The following NCKAP1 variants were observed in gnomAD, a reference collection of about 807,000 sequenced individuals.
The protein encoded by NCKAP1 is NCK associated protein 1, also known as nck-associated protein 1.
A neutral mutation model predicts 151.2 loss-of-function variants in NCKAP1; 21 were observed. The observed-to-expected ratio is 0.14, with a 90% CI of 0.10 to 0.20. The LOEUF is 0.20. Ranked by LOEUF, NCKAP1 falls within the 10% of genes least tolerant of loss-of-function variation. The pLI is 1.00. For missense variants in NCKAP1, 933 were observed against 1,352.1 expected (o/e 0.69, Z 4.86); for synonymous variants, 484 against 451.8 (o/e 1.07, Z -0.90).
intron 24 of NCKAP1, among the ~76,000 whole-genome samples, chr2:182,938,036 C>T (rs1696916240): frequency 6.6e-6 from 1 of 152,218 alleles, no homozygotes; most frequent in African/African-American, 2.4e-5. Context: ...TGTTAAAACA[C>T]AGACTGCTGG....
chr2:182,985,554 G>A (rs2105857922), intron 10 of NCKAP1, among the ~76,000 whole-genome samples: 1 of 151,992 alleles, frequency 6.6e-6, no homozygotes, highest in Non-Finnish European at 1.5e-5. Context: ...TGTAATGCCA[G>A]CACTTTGGGA....
chr2:183,003,179 T>C, intron 3 of NCKAP1, 54 bp downstream of exon 3: 1 of 1,270,066 alleles, frequency 7.9e-7, no homozygotes, highest in South Asian at 1.4e-5. Flanking sequence ...ACACAATTAA[T>C]AAACATTTAA....
Position 182,980,305 on chromosome 2 carries a change from T to TA in NCKAP1, c.1341+938dup, listed in dbSNP as rs914026951. 4.0e-4 allele frequency among the ~76,000 whole-genome samples: 60 copies of TA among 151,828 alleles called. 2 individuals are homozygous for TA. The highest frequency in any genetic ancestry group is 1.4e-3 in the East Asian group (7 of 5,176). ...GCTTGTAACAGCATGTAACTCAAGGTAAAAAAAATTACATGAACAATTTTT... is the reference window on the plus strand; with the variant it reads ...GCTTGTAACAGCATGTAACTCAAGGTAAAAAAAAATTACATGAACAATTTTT... On this transcript the variant is annotated intron_variant, in intron 13 of 30. Coordinates refer to ENST00000361354, the MANE Select transcript of NCKAP1 (RefSeq NM_013436.5).
intron 23 of NCKAP1, among the ~76,000 whole-genome samples, chr2:182,943,971 C>A (rs1222130178): frequency 6.6e-6 from 1 of 152,158 alleles, no homozygotes; most frequent in Non-Finnish European, 1.5e-5. Flanking sequence ...CATAAAAATT[C>A]TCTAGAGAAC....
At chr2:182,992,800 C>A (rs748320304) in intron 8 of NCKAP1, among the ~76,000 whole-genome samples, 4 of 152,010 alleles carry the variant, frequency 2.6e-5, no homozygotes, top group Non-Finnish European at 4.4e-5. Context: ...AGTATTGGAA[C>A]AGGGTATTTA....
In NCKAP1 at chr2:182,917,956, A is replaced by C. The variant is rs1343139130; in HGVS notation, c.*7746T>G. ...CCAGAAAGTGGGCATAGTGTCCCCA[A>C]GCCCACAGTCATTTACCCAGGAAAT... On this transcript the variant is annotated 3_prime_UTR_variant, in exon 31 of 31. Coordinates refer to ENST00000361354, the MANE Select transcript of NCKAP1 (RefSeq NM_013436.5). 1 of 152,176 alleles carries C rather than the reference A, an allele frequency of 6.6e-6. No individual in the cohort carries two copies. Among genetic ancestry groups the C allele is most frequent in the Non-Finnish European group, 1.5e-5 (1 of 68,032 alleles). 9.4% of individuals were successfully genotyped at this position (152,176 alleles called of 1,614,324 possible). A position where few individuals can be genotyped will look rare whatever the true frequency, so the allele number is the denominator to read the frequency against.
intron 1 of NCKAP1, among the ~76,000 whole-genome samples, chr2:183,035,190 T>C (rs1699078859): frequency 6.6e-6 from 1 of 152,122 alleles, no homozygotes; most frequent in Admixed American, 6.5e-5. Flanking sequence ...AATCCGCTTT[T>C]ATGTGTTCCT....
chr2:182,926,370 G>A (rs1454387732), intron 30 of NCKAP1, among the ~76,000 whole-genome samples: 3 of 152,058 alleles, frequency 2.0e-5, no homozygotes, highest in Admixed American at 2.0e-4. Flanking sequence ...ATAACTCTAA[G>A]TGGGGAAAGA....
At chr2:183,003,061 T>C (rs1030756589) in intron 3 of NCKAP1, 31 bp from the exon 4 acceptor site, 1 of 1,543,352 alleles carries the variant, frequency 6.5e-7, no homozygotes, top group African/African-American at 1.4e-5. Context: ...TAATCTTTTA[T>C]CTGTATAAAT....
chr2:182,965,123 G>A (rs1310074850), intron 16 of NCKAP1, among the ~76,000 whole-genome samples: 4 of 151,852 alleles, frequency 2.6e-5, no homozygotes, highest in Admixed American at 6.6e-5. Context: ...GGGTGTGGTG[G>A]CTCACACCTA....
In NCKAP1 at chr2:182,911,163, T is replaced by TCATGACTAC. The variant is rs1696387217; in HGVS notation, c.*14530_*14538dup. On this transcript the variant is annotated 3_prime_UTR_variant, in exon 31 of 31. Coordinates refer to ENST00000361354, the MANE Select transcript of NCKAP1 (RefSeq NM_013436.5). ...GTTGCACCTCTGATTACAACCAACC[T>TCATGACTAC]CATGACTACCCCTCCCTTTTTGCTC... 1 of 152,388 alleles carries TCATGACTAC rather than the reference T, an allele frequency of 6.6e-6. No homozygotes were observed. The allele number at this position is 152,388 out of a possible 1,614,324, so 9.4% of individuals were successfully genotyped here. A position where few individuals can be genotyped will look rare whatever the true frequency, so the allele number is the denominator to read the frequency against.
At position 182,982,922 on chromosome 2, in the gene NCKAP1, A is replaced by C. The variant is rs769818936; in HGVS notation, c.1107T>G (p.Leu369=). ...CAAAGGATAATGCCATAAAAACAAA[A>C]AGTGCCTGTTTAAAAAAAAGTAAGT... ...DQPGLLGPKA[L]FVFMALSFAR... The change falls in exon 12 of 31, where the codon CTT becomes CTG. Residue 369 remains leucine (L), a synonymous_variant. Transcript: ENST00000361354. 6.3e-7 allele frequency: 1 copy of C among 1,594,660 alleles called. No homozygotes were observed. The highest frequency in any genetic ancestry group is 1.8e-5 in the Admixed American group (1 of 55,850).
rs185465776 is a variant in NCKAP1, at chr2:183,007,179, C to T, written c.220-3854G>A. 1.2e-4 allele frequency among the ~76,000 whole-genome samples: 18 copies of T among 152,186 alleles called. No individual in the cohort carries two copies. The East Asian group carries it at 2.1e-3, about 18-fold the overall frequency. ...TGAGCCACTGTACCCGGCCTCAATACGCTAATACTTATAAAAGCATATTCA... is the reference window on the plus strand; with the variant it reads ...TGAGCCACTGTACCCGGCCTCAATATGCTAATACTTATAAAAGCATATTCA... On this transcript the variant is annotated intron_variant, in intron 2 of 30. Transcript: ENST00000361354.
rs1285095995 is a variant in NCKAP1 at position 183,023,847 on chromosome 2, T to C, written c.178A>G (p.Ile60Val). 4 of 1,613,532 alleles carry C rather than the reference T, an allele frequency of 2.5e-6. No homozygotes were observed. The highest frequency in any genetic ancestry group is 2.2e-5 in the East Asian group (1 of 44,846). The change falls in exon 2 of 31, where the codon ATA (isoleucine) becomes GTA (valine). Residue 60 changes from isoleucine to valine, a missense_variant. By Grantham distance (29) the Ile-to-Val change is conservative (BLOSUM62 3). This residue lies in a region of NCKAP1 where 607 missense variants were observed against 795.0 expected (regional missense o/e 0.76). Transcript: ENST00000361354. ...DKNLESAVKF[I>V]VRKFPAVETR... ...TCTACAGCAGGGAATTTTCTGACTA[T>C]GAATTTCACAGCAGATTCCAGGTTT...
In NCKAP1 at chr2:182,922,414, A is replaced by ACG. The variant is rs1696566708; in HGVS notation, c.*3287_*3288insCG. On this transcript the variant is annotated 3_prime_UTR_variant, in exon 31 of 31. Transcript: ENST00000361354. ...AGCAAAGAAGAAAGCAAGCAAGCAC[A>ACG]TGATCAGAAGAGAAAAAGAGCTAGA... 1.3e-5 allele frequency: 2 copies of ACG among 152,120 alleles called. No homozygotes were observed. The highest frequency in any genetic ancestry group is 2.9e-5 in the Non-Finnish European group (2 of 68,050). The allele number at this position is 152,120 out of a possible 1,614,324, so 9.4% of individuals were successfully genotyped here.
At chr2:182,995,983 TTGGGTTG>T in intron 6 of NCKAP1, 145 bp from the exon 7 acceptor site, 2 of 734,446 alleles carry the variant, frequency 2.7e-6, no homozygotes. Flanking sequence ...AATATCTGAG[TTGGGTTG>T]TGGCTCCTCT....
chr2:183,030,306 C>T (rs994385648), intron 1 of NCKAP1, among the ~76,000 whole-genome samples: 6 of 152,248 alleles, frequency 3.9e-5, no homozygotes, highest in East Asian at 1.9e-4. Context: ...ATTACAAGCA[C>T]GCACTACTAC....
At chr2:182,997,737 C>T (rs542784689) in intron 6 of NCKAP1, among the ~76,000 whole-genome samples, 2 of 152,246 alleles carry the variant, frequency 1.3e-5, no homozygotes, top group South Asian at 4.2e-4. Context: ...CCAGAGGCCA[C>T]ATAGATTCAC....
chr2:182,992,909 CTTTA>C (rs1428587028), intron 8 of NCKAP1, among the ~76,000 whole-genome samples: 1 of 152,022 alleles, frequency 6.6e-6, no homozygotes, highest in African/African-American at 2.4e-5. Flanking sequence ...TATTTTATGT[CTTTA>C]TTATTTTGTT....
Sources: gnomAD v4.1 joint callset for allele counts (sites outside exome capture counted in the v4.1 genomes callset) on GRCh38, gnomAD v4.1.1 for gene constraint, gnomAD v4.1.1 regional missense constraint, MANE v1.5 for transcripts, NCBI Gene and HGNC (gene_info 2026-07-23, HGNC 2026-07-21) for gene names.